MBOAT2: variants seen among roughly 807,000 people sequenced by gnomAD.
MBOAT2 encodes the protein membrane bound glycerophospholipid O-acyltransferase 2.
Under a neutral mutation model 63.4 loss-of-function variants are expected in MBOAT2, and 28 were observed. That is an observed-to-expected ratio of 0.44 (90% CI 0.33 to 0.61). MBOAT2 has a LOEUF of 0.61. MBOAT2 is among the 20% of genes least tolerant of loss of function. MBOAT2 has a pLI of 0.03. For synonymous variants in MBOAT2, 211 were observed against 215.6 expected (o/e 0.98, Z 0.19); for missense variants, 470 against 605.8 (o/e 0.78, Z 2.35).
chr2:8,902,316 C>T (rs189501647), intron 4 of MBOAT2, among the ~76,000 whole-genome samples: 3 of 152,290 alleles, frequency 2.0e-5, no homozygotes, highest in Admixed American at 6.5e-5. Context: ...CACCACTTGG[C>T]GATAATCAGT....
intron 8 of MBOAT2, among the ~76,000 whole-genome samples, chr2:8,869,770 G>A (rs1348973507): frequency 2.0e-5 from 3 of 152,060 alleles, no homozygotes; most frequent in East Asian, 1.9e-4. Context: ...TCTATTAACC[G>A]CATGGGCAGC....
chr2:8,939,211 A>G (rs535058585), intron 3 of MBOAT2, among the ~76,000 whole-genome samples: 7 of 152,344 alleles, frequency 4.6e-5, no homozygotes, highest in Admixed American at 2.6e-4. Context: ...GGTGCATCTC[A>G]GGAACTTAAT....
At chr2:8,919,659 G>A (rs577770713) in intron 3 of MBOAT2, among the ~76,000 whole-genome samples, 2 of 152,108 alleles carry the variant, frequency 1.3e-5, no homozygotes, top group Non-Finnish European at 2.9e-5. Flanking sequence ...TTTTTCTCCT[G>A]TGGCTTATCT....
chr2:8,964,218 G>C (rs112319719), intron 1 of MBOAT2, among the ~76,000 whole-genome samples: 5 of 152,076 alleles, frequency 3.3e-5, no homozygotes, highest in African/African-American at 1.2e-4. Context: ...CAGTATTCTC[G>C]TGCATATTTT....
intron 3 of MBOAT2, among the ~76,000 whole-genome samples, chr2:8,928,310 G>C (rs1667073103): frequency 6.6e-6 from 1 of 152,116 alleles, no homozygotes; most frequent in Non-Finnish European, 1.5e-5. Flanking sequence ...ATTTCAGATA[G>C]AGCAGCACTA....
At chr2:8,881,513 T>C (rs1320157085) in intron 6 of MBOAT2, among the ~76,000 whole-genome samples, 1 of 152,054 alleles carries the variant, frequency 6.6e-6, no homozygotes, top group East Asian at 1.9e-4. Flanking sequence ...CCTGTTCAGG[T>C]AGGTGAAGAG....
At chr2:8,978,399 G>A (rs1485715064) in intron 1 of MBOAT2, among the ~76,000 whole-genome samples, 1 of 151,952 alleles carries the variant, frequency 6.6e-6, no homozygotes, top group Non-Finnish European at 1.5e-5. Flanking sequence ...TGACTTTATG[G>A]TATTTTTCAT....
At chr2:8,961,918 G>C (rs1192979032) in intron 1 of MBOAT2, among the ~76,000 whole-genome samples, 1 of 152,086 alleles carries the variant, frequency 6.6e-6, no homozygotes, top group Non-Finnish European at 1.5e-5. Context: ...TTCATGCCAA[G>C]GCCATACTCC....
At chr2:8,905,568 C>T (rs1169785436) in intron 4 of MBOAT2, among the ~76,000 whole-genome samples, 1 of 152,092 alleles carries the variant, frequency 6.6e-6, no homozygotes, top group African/African-American at 2.4e-5. Context: ...GAAAACCAAA[C>T]ACCGCATGTT....
rs751980590 is a variant in MBOAT2, at chr2:8,877,202, C to T, written c.518G>A (p.Ser173Asn). ...QRDLAVRRMP[S>N]LLEYLSYNCN... ...GTTGTAACTCAAATACTCCAGTAAG[C>T]TTGGCATGCGCCTGCAATGAAAAGA... The change falls in exon 7 of 13, where the codon AGC becomes AAC. Residue 173 changes from serine to asparagine, a missense_variant. Around this residue, in one of 3 missense-constraint regions of MBOAT2, gnomAD observed 376 missense variants for 503.8 expected, o/e 0.75. Transcript: ENST00000305997. 74 of 1,610,834 alleles carry T rather than the reference C, an allele frequency of 4.6e-5. No homozygotes were observed. The highest frequency in any genetic ancestry group is 6.3e-5 in the Non-Finnish European group (74 of 1,178,898).
chr2:8,893,328 G>A lies in MBOAT2; in HGVS notation c.396-5255C>T, dbSNP rs924618027. Among the ~76,000 whole-genome samples the A allele has an allele frequency of 4.6e-5, 7 of 152,174 alleles. 1 individual carries two copies. Among genetic ancestry groups the A allele is most frequent in the South Asian group, 4.1e-4 (2 of 4,828 alleles). On this transcript the variant is annotated intron_variant, in intron 4 of 12. Coordinates refer to ENST00000305997, the MANE Select transcript of MBOAT2 (RefSeq NM_138799.4). ...AAAACAGCACTGCAGCTTCAGGCAC[G>A]CTTGGCACAAGAGGCCCTAGACAGC...
intron 3 of MBOAT2, among the ~76,000 whole-genome samples, chr2:8,923,390 T>C (rs190005523): frequency 7.9e-4 from 121 of 152,312 alleles, no homozygotes; most frequent in African/African-American, 2.2e-3. Context: ...AGACACCACC[T>C]GAGACCTCCT....
intron 8 of MBOAT2, among the ~76,000 whole-genome samples, chr2:8,871,514 T>C (rs1339040805): frequency 6.6e-6 from 1 of 152,212 alleles, no homozygotes; most frequent in Non-Finnish European, 1.5e-5. Flanking sequence ...CAGGTTTGTT[T>C]AGGAAAGTTC....
At chr2:8,897,606 G>A (rs1395944382) in intron 4 of MBOAT2, among the ~76,000 whole-genome samples, 2 of 152,218 alleles carry the variant, frequency 1.3e-5, no homozygotes, top group Non-Finnish European at 2.9e-5. Flanking sequence ...GGTCCCTGGG[G>A]GAAGAGGCTT....
intron 4 of MBOAT2, among the ~76,000 whole-genome samples, chr2:8,893,472 G>A (rs1664171802): frequency 6.6e-6 from 1 of 152,192 alleles, no homozygotes; most frequent in African/African-American, 2.4e-5. Flanking sequence ...AAACACAAGT[G>A]ATAATAATGC....
rs1482619666 is a variant in MBOAT2 at position 8,894,881 on chromosome 2, G to A, written c.396-6808C>T. 5.9e-5 allele frequency among the ~76,000 whole-genome samples: 9 copies of A among 151,594 alleles called. No homozygotes were observed. In the South Asian group the frequency reaches 1.0e-3, roughly 18 times the overall value. On this transcript the variant is annotated intron_variant, in intron 4 of 12. Transcript: ENST00000305997. Reference sequence around the variant, plus strand: ...AAAGGCGGCACGTCTGGAGTTGTTCGTTCCTCCCAGTGGGTTCGTGGTCTC... The same window carrying A: ...AAAGGCGGCACGTCTGGAGTTGTTCATTCCTCCCAGTGGGTTCGTGGTCTC...
At position 8,860,587 on chromosome 2, in the gene MBOAT2, G is replaced by T; in HGVS notation, c.1337+26C>A. The T allele has an allele frequency of 1.9e-6, 3 of 1,603,206 alleles. No individual in the cohort carries two copies. The South Asian group carries it at 3.4e-5, about 18-fold the overall frequency. On this transcript the variant is annotated intron_variant, in intron 12 of 12. Transcript: ENST00000305997. ...TTTTGAAAATAGAGTTATTCCCACT[G>T]ACAAAGTTTTAAGAGTAACACTTAC...
At chr2:8,919,373 A>C (rs1263279471) in intron 3 of MBOAT2, among the ~76,000 whole-genome samples, 2 of 152,210 alleles carry the variant, frequency 1.3e-5, no homozygotes, top group African/African-American at 2.4e-5. Flanking sequence ...TCATATCCTC[A>C]CTAATGCTGG....
chr2:8,978,863 AG>A (rs1671010402), intron 1 of MBOAT2, among the ~76,000 whole-genome samples: 1 of 150,504 alleles, frequency 6.6e-6, no homozygotes, highest in African/African-American at 2.5e-5. Context: ...TAAAAAAAAA[AG>A]GTGGTGGGGG....
Sources: gnomAD v4.1 joint callset for allele counts (sites outside exome capture counted in the v4.1 genomes callset) on GRCh38, gnomAD v4.1.1 for gene constraint, gnomAD v4.1.1 regional missense constraint, MANE v1.5 for transcripts, NCBI Gene and HGNC (gene_info 2026-07-23, HGNC 2026-07-21) for gene names.